The following DPP6 variants were observed in gnomAD, a reference collection of about 807,000 sequenced individuals.
The protein encoded by DPP6 is dipeptidyl peptidase like 6.
DPP6 carries 69 observed loss-of-function variants against 122.6 expected under a neutral mutation model. The ratio of observed to expected loss-of-function variants is 0.56; its 90% CI spans 0.46 to 0.69. The LOEUF (loss-of-function observed/expected upper bound fraction) is 0.69, where lower values mean the gene tolerates loss of function less well. Among genes scored for constraint, DPP6 ranks in the 30% least tolerant of loss-of-function variants. DPP6 has a pLI of 0.00. For missense variants in DPP6, 928 were observed against 1,116.9 expected, an observed-to-expected ratio of 0.83 and a Z score of 2.41; for synonymous variants, 418 against 433.1, an observed-to-expected ratio of 0.97 and a Z score of 0.43.
intron 5 of DPP6, among the ~76,000 whole-genome samples, chr7:154,597,017 CAGA>C (rs1170483834): frequency 6.6e-6 from 1 of 152,124 alleles, no homozygotes; most frequent in East Asian, 1.9e-4. Context: ...TCTAGAAGTC[CAGA>C]AGAAGAAGTC....
intron 1 of DPP6, among the ~76,000 whole-genome samples, chr7:154,425,630 GT>G (rs56191427): frequency 6.1e-4 from 81 of 133,374 alleles, no homozygotes; most frequent in African/African-American, 2.2e-3. Context: ...GGGTGTGTGT[GT>G]GTGTGTGTGT....
intron 3 of DPP6, among the ~76,000 whole-genome samples, chr7:154,514,027 C>T (rs1006905399): frequency 6.6e-6 from 1 of 152,156 alleles, no homozygotes; most frequent in Non-Finnish European, 1.5e-5. Context: ...GTAATCCTAT[C>T]ACTTTGGGAG....
At chr7:153,892,294 C>G (rs902227718) in intron 1 of DPP6, among the ~76,000 whole-genome samples, 1 of 151,588 alleles carries the variant, frequency 6.6e-6, no homozygotes, top group African/African-American at 2.4e-5. Context: ...CATGAGAGCT[C>G]GTGTGGGACA....
At chr7:154,753,452 C>G (rs1413379036) in intron 8 of DPP6, among the ~76,000 whole-genome samples, 3 of 152,108 alleles carry the variant, frequency 2.0e-5, no homozygotes, top group Non-Finnish European at 4.4e-5. Context: ...GAGACAGCGA[C>G]CACCTGTGGA....
chr7:154,780,215 G>A (rs942328379), intron 10 of DPP6, among the ~76,000 whole-genome samples: 30 of 152,258 alleles, frequency 2.0e-4, no homozygotes, highest in African/African-American at 5.3e-4. Flanking sequence ...GAGAAATGCC[G>A]GATCTTTACT....
At chr7:154,641,005 T>C (rs2130939633) in intron 6 of DPP6, among the ~76,000 whole-genome samples, 1 of 152,290 alleles carries the variant, frequency 6.6e-6, no homozygotes, top group East Asian at 1.9e-4. Context: ...GAAAATGGTC[T>C]AATTAATGTT....
chr7:154,207,898 TGG>T (rs1799532524), intron 1 of DPP6, among the ~76,000 whole-genome samples: 1 of 150,768 alleles, frequency 6.6e-6, no homozygotes, highest in Non-Finnish European at 1.5e-5. Flanking sequence ...GAGGTTGCAG[TGG>T]GCCACGATCA....
intron 8 of DPP6, among the ~76,000 whole-genome samples, chr7:154,764,259 C>G (rs1795759413): frequency 3.3e-5 from 5 of 152,110 alleles, no homozygotes; most frequent in Admixed American, 3.3e-4. Context: ...GCTAGAGGAG[C>G]TTCATCTGAT....
At chr7:154,658,895 T>C (rs1232795539) in intron 6 of DPP6, among the ~76,000 whole-genome samples, 1 of 151,970 alleles carries the variant, frequency 6.6e-6, no homozygotes, top group African/African-American at 2.4e-5. Flanking sequence ...AAGGTCAAGG[T>C]GTTGATGTGG....
chr7:154,691,932 C>T (rs1195982615), intron 7 of DPP6, among the ~76,000 whole-genome samples: 1 of 152,184 alleles, frequency 6.6e-6, no homozygotes, highest in African/African-American at 2.4e-5. Flanking sequence ...TTGGGAAGTG[C>T]TCCTGTCAGG....
rs777166227 is a variant in DPP6, at chr7:154,241,675, A to G, written c.243+188612A>G. On this transcript the variant is annotated intron_variant, in intron 1 of 25. Transcript: ENST00000377770. This position sits in a 1 kb window ranked among gnomAD's most constrained non-coding sequence, Gnocchi z 9.0. ...CAAAATTATATTACTTTCTGACTCA[A>G]TATCATACAAACCGGCACTTATCAC... 2.0e-5 allele frequency among the ~76,000 whole-genome samples: 3 copies of G among 152,188 alleles called. No individual in the cohort carries two copies. The highest frequency in any genetic ancestry group is 2.9e-5 in the Non-Finnish European group (2 of 68,042).
chr7:154,052,122 G>A (rs1800381295), upstream of DPP6, among the ~76,000 whole-genome samples: 1 of 149,150 alleles, frequency 6.7e-6, no homozygotes, highest in Admixed American at 6.6e-5. This position sits in a 1 kb window ranked among gnomAD's most constrained non-coding sequence, Gnocchi z 4.8. Flanking sequence ...CGGGGCACTC[G>A]CAGCACTACC....
chr7:154,350,832 A>G (rs1005939415), intron 1 of DPP6, among the ~76,000 whole-genome samples: 7 of 152,158 alleles, frequency 4.6e-5, no homozygotes, highest in Admixed American at 3.9e-4. Context: ...GGAGCTTTAC[A>G]TGGGTGTTTT....
intron 5 of DPP6, among the ~76,000 whole-genome samples, chr7:154,585,578 G>A (rs1186438697): frequency 6.6e-6 from 1 of 152,168 alleles, no homozygotes; most frequent in African/African-American, 2.4e-5. Flanking sequence ...AAGCTCAAGC[G>A]CCTTAGGTAA....
chr7:154,885,448 T>A (rs1584988044), intron 21 of DPP6, 185 bp from the exon 22 acceptor site: 2 of 747,272 alleles, frequency 2.7e-6, no homozygotes, highest in East Asian at 5.7e-5. Flanking sequence ...TAATGCTGAG[T>A]TGGAAGGGAG....
intron 1 of DPP6, among the ~76,000 whole-genome samples, chr7:154,229,076 C>T (rs1585684078): frequency 6.6e-6 from 1 of 152,004 alleles, no homozygotes; most frequent in Non-Finnish European, 1.5e-5. Context: ...GTTTCTTGGG[C>T]GTTTTTTTTC....
intron 1 of DPP6, among the ~76,000 whole-genome samples, chr7:154,120,478 T>A (rs1807366736): frequency 6.6e-6 from 1 of 152,132 alleles, no homozygotes; most frequent in Admixed American, 6.5e-5. Context: ...TCTCTTGACC[T>A]CGTGATCCGC....
intron 7 of DPP6, among the ~76,000 whole-genome samples, chr7:154,718,786 C>A (rs1224905554): frequency 6.6e-6 from 1 of 151,968 alleles, no homozygotes; most frequent in East Asian, 1.9e-4. Flanking sequence ...ATTACAGGCA[C>A]CCACCACCAT....
intron 1 of DPP6, among the ~76,000 whole-genome samples, chr7:154,264,626 A>ATGATGATGT (rs1411602050): frequency 9.2e-5 from 14 of 152,222 alleles, no homozygotes; most frequent in Admixed American, 1.3e-4. Context: ...GGTGATGGTG[A>ATGATGATGT]TGATGATGTT....
Sources: gnomAD v4.1 joint callset for allele counts (sites outside exome capture counted in the v4.1 genomes callset) on GRCh38, gnomAD v4.1.1 for gene constraint, Gnocchi (gnomAD v3.1) non-coding constraint, MANE v1.5 for transcripts, NCBI Gene and HGNC (gene_info 2026-07-23, HGNC 2026-07-21) for gene names.